Variants in MGAT4C observed in about 807,000 individuals in gnomAD.
The protein encoded by MGAT4C is alpha-1,3-mannosyl-glycoprotein 4-beta-N-acetylglucosaminyltransferase C.
MGAT4C carries 19 observed loss-of-function variants against 40.1 expected under a neutral mutation model. The ratio of observed to expected loss-of-function variants is 0.47; its 90% CI spans 0.33 to 0.70. The LOEUF is 0.70. Ranked by LOEUF, MGAT4C falls within the 30% of genes least tolerant of loss-of-function variation. The probability of loss-of-function intolerance (pLI) is 0.02; values close to 1 mark genes in which losing one functional copy is unlikely to be tolerated. For missense variants in MGAT4C, 491 were observed against 563.2 expected (o/e 0.87, Z 1.30); for synonymous variants, 181 against 187.1 (o/e 0.97, Z 0.27).
intron 3 of MGAT4C, among the ~76,000 whole-genome samples, chr12:86,424,984 C>G (rs1956898915): frequency 6.6e-6 from 1 of 152,048 alleles, no homozygotes; most frequent in Non-Finnish European, 1.5e-5. Context: ...TCTTGATCTT[C>G]TGACCTCATG....
intron 3 of MGAT4C, among the ~76,000 whole-genome samples, chr12:86,414,179 T>C (rs1442357432): frequency 6.6e-6 from 1 of 152,062 alleles, no homozygotes. Flanking sequence ...TCTAAATTCA[T>C]ATTAAGGATA....
intron 4 of MGAT4C, among the ~76,000 whole-genome samples, chr12:86,285,369 C>A (rs1381940963): frequency 2.6e-5 from 4 of 151,900 alleles, no homozygotes; most frequent in Non-Finnish European, 4.4e-5. Context: ...CACCGTGTAT[C>A]CAGTGTGTAG....
intron 1 of MGAT4C, among the ~76,000 whole-genome samples, chr12:86,763,518 A>C (rs1025938610): frequency 6.6e-6 from 1 of 152,354 alleles, no homozygotes; most frequent in East Asian, 1.9e-4. Context: ...AGAAAGCAGA[A>C]ATCATTTTAT....
At chr12:86,642,501 A>G (rs1963420577) in intron 2 of MGAT4C, among the ~76,000 whole-genome samples, 1 of 151,832 alleles carries the variant, frequency 6.6e-6, no homozygotes, top group African/African-American at 2.4e-5. Flanking sequence ...ACTATTATTA[A>G]TGTTGCTAAG....
intron 1 of MGAT4C, among the ~76,000 whole-genome samples, chr12:86,780,538 T>C (rs1053098225): frequency 7.2e-5 from 11 of 152,196 alleles, no homozygotes; most frequent in Non-Finnish European, 1.3e-4. Context: ...CCCTTTGCTC[T>C]CTTTCTCCTG....
chr12:86,700,315 T>G (rs1950340898), intron 2 of MGAT4C, among the ~76,000 whole-genome samples: 1 of 151,880 alleles, frequency 6.6e-6, no homozygotes, highest in South Asian at 2.1e-4. Flanking sequence ...TAGAACAGAG[T>G]TAATTTTAGA....
At chr12:86,182,591 C>T (rs1382872189) in intron 1 of MGAT4C, among the ~76,000 whole-genome samples, 1 of 151,964 alleles carries the variant, frequency 6.6e-6, no homozygotes, top group Non-Finnish European at 1.5e-5. Context: ...TTTCTTCTCT[C>T]TCTTTATTCA....
rs116718190 is a variant in MGAT4C at position 86,543,894 on chromosome 12, C to T, written c.-228-108629G>A. ...CTGGGGCCTGACAGTCTGGGAGGTCCTTATTCACATACCACGCAGCTGGCC... is the reference window on the plus strand; with the variant it reads ...CTGGGGCCTGACAGTCTGGGAGGTCTTTATTCACATACCACGCAGCTGGCC... On this transcript the variant is annotated intron_variant, in intron 2 of 7. Transcript: ENST00000548651. Among the ~76,000 whole-genome samples the T allele has an allele frequency of 4.6e-3, 703 of 152,178 alleles. 3 individuals carry two copies. The highest frequency in any genetic ancestry group is 0.016 in the African/African-American group (678 of 41,518).
intron 1 of MGAT4C, among the ~76,000 whole-genome samples, chr12:86,765,737 C>G (rs1270282934): frequency 2.6e-5 from 4 of 152,134 alleles, no homozygotes; most frequent in Non-Finnish European, 5.9e-5. Context: ...AAAGAATATT[C>G]AACCCAGAAT....
intron 2 of MGAT4C, among the ~76,000 whole-genome samples, chr12:86,007,495 T>G (rs1170101960): frequency 6.6e-6 from 1 of 152,138 alleles, no homozygotes; most frequent in African/African-American, 2.4e-5. Flanking sequence ...TGGGCTCATA[T>G]GTTAATTATA....
chr12:86,016,656 A>G (rs1222548376), intron 2 of MGAT4C, among the ~76,000 whole-genome samples: 1 of 152,214 alleles, frequency 6.6e-6, no homozygotes, highest in Non-Finnish European at 1.5e-5. Flanking sequence ...ACCTCTGATT[A>G]GAAAAATTTA....
chr12:86,668,875 G>A (rs1280655952), intron 2 of MGAT4C, among the ~76,000 whole-genome samples: 1 of 152,182 alleles, frequency 6.6e-6, no homozygotes, highest in Non-Finnish European at 1.5e-5. Flanking sequence ...CCCTTAGACT[G>A]TGTTTAAGCA....
At chr12:86,668,334 G>T (rs1221366802) in intron 2 of MGAT4C, among the ~76,000 whole-genome samples, 2 of 152,158 alleles carry the variant, frequency 1.3e-5, no homozygotes, top group African/African-American at 4.8e-5. Flanking sequence ...GCGTCTGGCA[G>T]ATAAAAGTTA....
chr12:86,566,052 G>A (rs1480910949), intron 2 of MGAT4C, among the ~76,000 whole-genome samples: 1 of 152,176 alleles, frequency 6.6e-6, no homozygotes, highest in African/African-American at 2.4e-5. Context: ...GCGACAAGTT[G>A]ATTATATTGG....
chr12:86,260,660 G>A (rs1952639317), upstream of MGAT4C, among the ~76,000 whole-genome samples: 1 of 152,226 alleles, frequency 6.6e-6, no homozygotes, highest in South Asian at 2.1e-4. Flanking sequence ...TAGAGTGTAA[G>A]TCAGAGATTC....
chr12:86,579,398 C>T (rs924701963), intron 2 of MGAT4C, among the ~76,000 whole-genome samples: 1 of 151,452 alleles, frequency 6.6e-6, no homozygotes, highest in Non-Finnish European at 1.5e-5. Context: ...GATATAAATA[C>T]TATTTGCATA....
At chr12:86,778,700 T>C (rs1037229815) in intron 1 of MGAT4C, among the ~76,000 whole-genome samples, 3 of 152,192 alleles carry the variant, frequency 2.0e-5, no homozygotes, top group African/African-American at 7.2e-5. Flanking sequence ...ACATGTAACA[T>C]TGATTTTTAT....
chr12:86,814,045 G>A, intron 1 of MGAT4C, among the ~76,000 whole-genome samples: 1 of 151,744 alleles, frequency 6.6e-6, no homozygotes, highest in Admixed American at 6.6e-5. Context: ...CAATTAGCTG[G>A]GACTACAGGT....
chr12:86,081,767 T>C (rs1225902809), intron 1 of MGAT4C, among the ~76,000 whole-genome samples: 1 of 151,880 alleles, frequency 6.6e-6, no homozygotes, highest in Non-Finnish European at 1.5e-5. Context: ...AGGAAAAAAA[T>C]GTGCTCTAAA....
Sources: gnomAD v4.1 joint callset for allele counts (sites outside exome capture counted in the v4.1 genomes callset) on GRCh38, gnomAD v4.1.1 for gene constraint, MANE v1.5 for transcripts, NCBI Gene and HGNC (gene_info 2026-07-23, HGNC 2026-07-21) for gene names.